Variants in SCAF1 observed in about 807,000 individuals in gnomAD.
The protein encoded by SCAF1 is splicing factor, arginine/serine-rich 19.
A neutral mutation model predicts 91.2 loss-of-function variants in SCAF1; 28 were observed. The ratio of observed to expected loss-of-function variants is 0.31; its 90% confidence interval spans 0.23 to 0.42. The LOEUF is 0.42. Ranked by LOEUF, SCAF1 falls within the 10% of genes least tolerant of loss-of-function variation. The pLI is 1.00. For missense variants in SCAF1, 1,893 were observed against 1,872.1 expected, an observed-to-expected ratio of 1.01 and a Z score of -0.21; for synonymous variants, 1,036 against 833.7, an observed-to-expected ratio of 1.24 and a Z score of -4.18.
chr19:49,657,958 G>C, intron 10 of SCAF1, 69 bp downstream of exon 10: 1 of 1,558,624 alleles, frequency 6.4e-7, no homozygotes, highest in Non-Finnish European at 8.7e-7. Context: ...GATGTGTGCA[G>C]ACAGATGGAC....
At position 49,653,013 on chromosome 19, in the gene SCAF1, C is replaced by G; in HGVS notation, c.2624C>G (p.Pro875Arg). 4 of 1,614,022 alleles carry G rather than the reference C, an allele frequency of 2.5e-6. No individual in the cohort carries two copies. Among genetic ancestry groups the G allele is most frequent in the Non-Finnish European group, 3.4e-6 (4 of 1,180,050 alleles). Residue 875 changes from proline (P) to arginine (R), a missense_variant, in exon 7 of 11, where the codon CCC becomes CGC. Coordinates refer to ENST00000360565, the MANE Select transcript of SCAF1 (RefSeq NM_021228.3). ...KFSRDRESRS[P>R]FLKPDERAPT... ...AGCCGTGACCGCGAGAGTCGCTCCCCCTTCCTCAAACCTGACGAGCGGGCC... is the reference window on the plus strand; with the variant it reads ...AGCCGTGACCGCGAGAGTCGCTCCCGCTTCCTCAAACCTGACGAGCGGGCC...
Position 49,646,311 on chromosome 19 carries a change from C to T in SCAF1, c.261+109C>T, listed in dbSNP as rs773486047. On this transcript the variant is annotated intron_variant, in intron 4 of 10. Transcript: ENST00000360565. This position sits in a 1 kb window ranked among gnomAD's most constrained non-coding sequence, Gnocchi z 5.6. Reference sequence around the variant, plus strand: ...TTGGGGACCTGGACTCCTGGCTCTGCGATGCTGACCAGGGGCAATGTTGGA... The same window carrying T: ...TTGGGGACCTGGACTCCTGGCTCTGTGATGCTGACCAGGGGCAATGTTGGA... The T allele has an allele frequency of 3.9e-5, 39 of 999,848 alleles. 1 individual carries two copies. The highest frequency in any genetic ancestry group is 1.0e-4 in the Admixed American group (4 of 38,980). The allele number at this position is 999,848 out of a possible 1,614,324, so 61.9% of individuals were successfully genotyped here.
intron 6 of SCAF1, among the ~76,000 whole-genome samples, chr19:49,650,203 G>A (rs1327570684): frequency 6.6e-6 from 1 of 152,184 alleles, no homozygotes; most frequent in Non-Finnish European, 1.5e-5. Context: ...CTTGGGTGGG[G>A]ACTCAGCACA....
In SCAF1 at chr19:49,646,929, C is replaced by T; in HGVS notation, c.478+99C>T. ...GGTAGCGGTGATCATGTTATTTAGA[C>T]AAAACCTTTCCCTTCTCTTCGTATT... On this transcript the variant is annotated intron_variant, in intron 6 of 10. Transcript: ENST00000360565. The surrounding 1 kb of genome is among the most constrained non-coding windows in gnomAD (Gnocchi z 5.6). 1.2e-6 allele frequency: 1 copy of T among 841,714 alleles called. No homozygotes were observed. The highest frequency in any genetic ancestry group is 1.8e-6 in the Non-Finnish European group (1 of 546,572). 52.1% of individuals were successfully genotyped at this position (841,714 alleles called of 1,614,324 possible). A position where few individuals can be genotyped will look rare whatever the true frequency, so the allele number is the denominator to read the frequency against.
In SCAF1 at chr19:49,655,516, G is replaced by A. The variant is rs141850115; in HGVS notation, c.3618+646G>A. Among the ~76,000 whole-genome samples the A allele has an allele frequency of 4.6e-3, 701 of 152,210 alleles. 2 individuals are homozygous for A. Among genetic ancestry groups the A allele is most frequent in the African/African-American group, 0.016 (665 of 41,526 alleles). On this transcript the variant is annotated intron_variant, in intron 9 of 10. Coordinates refer to ENST00000360565, the MANE Select transcript of SCAF1 (RefSeq NM_021228.3). ...CGAGTAGCTGGGATGACAGGCACCC[G>A]CCACCACACCCAGCTAATTTTTGTA...
In SCAF1 at chr19:49,652,515, G is replaced by A. The variant is rs1310433241; in HGVS notation, c.2126G>A (p.Arg709Gln). 7.0e-6 allele frequency: 11 copies of A among 1,576,288 alleles called. No homozygotes were observed. The African/African-American group carries it at 8.1e-5, about 12-fold the overall frequency. ...FAIKRTITVG[R>Q]LDKSDPRGPS... The stretch of plus-strand genomic sequence containing the variant: ...ATCAAGCGGACCATCACGGTGGGCC[G>A]GCTTGACAAGTCCGACCCCCGAGGA... The change falls in exon 7 of 11, where the codon CGG (arginine) becomes CAG (glutamine). Residue 709 changes from arginine to glutamine, a missense_variant. Arg to Gln is a conservative substitution (Grantham distance 43). This residue lies in a region of SCAF1 where 1,436 missense variants were observed against 1,306.8 expected (regional missense o/e 1.10). Transcript: ENST00000360565.
At chr19:49,644,518 G>A (rs570430003) in intron 1 of SCAF1, among the ~76,000 whole-genome samples, 2 of 152,206 alleles carry the variant, frequency 1.3e-5, no homozygotes, top group African/African-American at 2.4e-5. Flanking sequence ...GAGGACAGTT[G>A]ATGCTCTAGG....
chr19:49,640,653 TTAGAAGC>T (rs1302197705), upstream of SCAF1, among the ~76,000 whole-genome samples: 9 of 152,058 alleles, frequency 5.9e-5, no homozygotes, highest in African/African-American at 2.2e-4. Context: ...GGCGTCTGGG[TTAGAAGC>T]TAGAGTCTCC....
Position 49,642,908 on chromosome 19 carries a change from G to T in SCAF1, c.-7+666G>T, listed in dbSNP as rs949800648. Among the ~76,000 whole-genome samples, 1 of 152,226 alleles carries T rather than the reference G, an allele frequency of 6.6e-6. No individual in the cohort carries two copies. Among genetic ancestry groups the T allele is most frequent in the African/African-American group, 2.4e-5 (1 of 41,446 alleles). ...TGTACTGAGGGTCTGGGGTCTCCAA[G>T]GTATGGGTAGTGTCTAATAATGGGT... On this transcript the variant is annotated intron_variant, in intron 1 of 10. Transcript: ENST00000360565. The surrounding 1 kb of genome is among the most constrained non-coding windows in gnomAD (Gnocchi z 4.0).
rs747949255 is a variant in SCAF1 at position 49,657,897 on chromosome 19, C to A, written c.3747+8C>A. On this transcript the variant is annotated splice_region_variant and intron_variant, in intron 10 of 10. Transcript: ENST00000360565. ...AGGAAGGCCGTCCACAAGGTGGGCA[C>A]CCGGAGAGAGGGGCAGACACAGGCC... 5 of 1,610,232 alleles carry A rather than the reference C, an allele frequency of 3.1e-6. No individual in the cohort carries two copies. In the Admixed American group the frequency reaches 8.4e-5, roughly 27 times the overall value.
At position 49,652,149 on chromosome 19, in the gene SCAF1, CGCGCAG is replaced by C. The variant is rs1384611699; in HGVS notation, c.1761_1766del (p.Arg588_Ser589del). 1.9e-6 allele frequency: 2 copies of C among 1,065,288 alleles called. No individual in the cohort carries two copies. Among genetic ancestry groups the C allele is most frequent in the Non-Finnish European group, 2.3e-6 (2 of 879,762 alleles). The allele number at this position is 1,065,288 out of a possible 1,614,324, so 66.0% of individuals were successfully genotyped here. A position where few individuals can be genotyped will look rare whatever the true frequency, so the allele number is the denominator to read the frequency against. On this transcript the variant is annotated inframe_deletion, in exon 7 of 11. Transcript: ENST00000360565. Reference sequence around the variant, plus strand: ...CGCTCCCGCTCCACCCGCCGCCGCTCGCGCAGCACCGACCGCCGCCGCGGGGGCAGC... The same window carrying C: ...CGCTCCCGCTCCACCCGCCGCCGCTCCACCGACCGCCGCCGCGGGGGCAGC...
Position 49,652,136 on chromosome 19 carries a change from A to G in SCAF1, c.1747A>G (p.Thr583Ala), listed in dbSNP as rs968047879. ...RSRSRSRSRS[T>A]RRRSRSTDRR... is the part of the protein sequence containing the mutation. ...CCGCTCCCGCTCCCGCTCCCGCTCC[A>G]CCCGCCGCCGCTCGCGCAGCACCGA... Residue 583 changes from threonine to alanine, a missense_variant, in exon 7 of 11, where the codon ACC becomes GCC. Coordinates refer to ENST00000360565, the MANE Select transcript of SCAF1 (RefSeq NM_021228.3). 9.3e-7 allele frequency: 1 copy of G among 1,073,286 alleles called. No individual in the cohort carries two copies. The highest frequency in any genetic ancestry group is 1.1e-6 in the Non-Finnish European group (1 of 886,304). 66.5% of individuals were successfully genotyped at this position (1,073,286 alleles called of 1,614,324 possible).
At position 49,653,179 on chromosome 19, in the gene SCAF1, A is replaced by C; in HGVS notation, c.2790A>C (p.Gly930=). ...PSKTRKKVRS[G]GGSGGSGGQV... is the part of the protein sequence containing the mutation. Reference sequence around the variant, plus strand: ...AGACCAGGAAAAAGGTCCGCAGTGGAGGTGGCAGCGGGGGCAGTGGTGGCC... The same window carrying C: ...AGACCAGGAAAAAGGTCCGCAGTGGCGGTGGCAGCGGGGGCAGTGGTGGCC... The change falls in exon 7 of 11, where the codon GGA becomes GGC. Residue 930 remains glycine, a synonymous_variant. Coordinates refer to ENST00000360565, the MANE Select transcript of SCAF1 (RefSeq NM_021228.3). 1 of 1,582,802 alleles carries C rather than the reference A, an allele frequency of 6.3e-7. No individual in the cohort carries two copies. Among genetic ancestry groups the C allele is most frequent in the Non-Finnish European group, 8.6e-7 (1 of 1,165,036 alleles).
chr19:49,646,751 A>C lies in SCAF1; in HGVS notation c.399A>C (p.Arg133=), dbSNP rs768086919. ...EDMLELVAEV[R]IGDRDPIPLP... ...TGCTGGAGCTGGTGGCTGAGGTCCG[A>C]ATCGGGGACAGAGATCCCATCCCTC... The change falls in exon 6 of 11, where the codon CGA becomes CGC. Residue 133 remains arginine (R), a synonymous_variant. Transcript: ENST00000360565. This position sits in a 1 kb window ranked among gnomAD's most constrained non-coding sequence, Gnocchi z 5.6. The C allele has an allele frequency of 6.8e-6, 11 of 1,613,992 alleles. No homozygotes were observed. The East Asian group carries it at 2.5e-4, about 36-fold the overall frequency.
rs1429885904 is a variant in SCAF1, at chr19:49,645,855, G to C, written c.167-253G>C. Among the ~76,000 whole-genome samples the C allele has an allele frequency of 2.6e-5, 4 of 152,096 alleles. No individual in the cohort carries two copies. The highest frequency in any genetic ancestry group is 9.7e-5 in the African/African-American group (4 of 41,380). The stretch of plus-strand genomic sequence containing the variant: ...TGGGGGAGGCAGGAGAGGTCTGTGG[G>C]GACTGGATCCCAGCAAGGCCTGAAT... On this transcript the variant is annotated intron_variant, in intron 3 of 10. Transcript: ENST00000360565. The surrounding 1 kb of genome is among the most constrained non-coding windows in gnomAD (Gnocchi z 4.6).
At chr19:49,644,726 G>A (rs990887455) in intron 1 of SCAF1, 1 of 260,466 alleles carries the variant, frequency 3.8e-6, no homozygotes, top group East Asian at 8.9e-5. Flanking sequence ...GGGAAGCTGC[G>A]GGAATTGAGG....
Position 49,658,430 on chromosome 19 carries a change from C to T in SCAF1, c.*31C>T. The stretch of plus-strand genomic sequence containing the variant: ...CTGGCCAGCTCTTCGCCCCTCACCT[C>T]TTTGAAACTCTGGACGTATTTATGG... On this transcript the variant is annotated 3_prime_UTR_variant, in exon 11 of 11. Transcript: ENST00000360565. 1 of 1,297,132 alleles carries T rather than the reference C, an allele frequency of 7.7e-7. No homozygotes were observed. The highest frequency in any genetic ancestry group is 1.1e-6 in the Non-Finnish European group (1 of 943,920). 80.4% of individuals were successfully genotyped at this position (1,297,132 alleles called of 1,614,324 possible). A position where few individuals can be genotyped will look rare whatever the true frequency, so the allele number is the denominator to read the frequency against.
rs772531127 is a variant in SCAF1 at position 49,652,951 on chromosome 19, C to T, written c.2562C>T (p.Ala854=). 13 of 1,613,854 alleles carry T rather than the reference C, an allele frequency of 8.1e-6. 1 individual carries two copies. The highest frequency in any genetic ancestry group is 4.4e-5 in the South Asian group (4 of 91,066). The change falls in exon 7 of 11, where the codon GCC becomes GCT. Residue 854 remains alanine, a synonymous_variant. Transcript: ENST00000360565. ...GVSSTTPAKD[A]ASAGLGSIGV... ...GCAGCACCACCCCGGCCAAGGATGC[C>T]GCGTCAGCCGGCCTGGGCTCCATTG... is the stretch of plus-strand genomic sequence containing the variant.
In SCAF1 at chr19:49,651,511, T is replaced by C. The variant is rs752999335; in HGVS notation, c.1122T>C (p.Ala374=). ...EGKVSVEVVT[A]GGAALPPPLL... Reference sequence around the variant, plus strand: ...AGGTCTCGGTGGAGGTGGTGACCGCTGGTGGAGCCGCCCTCCCGCCGCCCC... The same window carrying C: ...AGGTCTCGGTGGAGGTGGTGACCGCCGGTGGAGCCGCCCTCCCGCCGCCCC... The change falls in exon 7 of 11, where the codon GCT becomes GCC. Residue 374 remains alanine, a synonymous_variant. Coordinates refer to ENST00000360565, the MANE Select transcript of SCAF1 (RefSeq NM_021228.3). 17 of 1,572,022 alleles carry C rather than the reference T, an allele frequency of 1.1e-5. No individual in the cohort carries two copies. The South Asian group carries it at 2.0e-4, about 18-fold the overall frequency.
Sources: gnomAD v4.1 joint callset for allele counts (sites outside exome capture counted in the v4.1 genomes callset) on GRCh38, gnomAD v4.1.1 for gene constraint, gnomAD v4.1.1 regional missense constraint, Gnocchi (gnomAD v3.1) non-coding constraint, MANE v1.5 for transcripts, NCBI Gene and HGNC (gene_info 2026-07-23, HGNC 2026-07-21) for gene names.